TSPEAR: variants seen among roughly 807,000 people sequenced by gnomAD.
The protein encoded by TSPEAR is thrombospondin-type laminin G domain and EAR repeat-containing protein.
Under a neutral mutation model 71.6 loss-of-function variants are expected in TSPEAR, and 69 were observed. The ratio of observed to expected loss-of-function variants is 0.96; its 90% CI spans 0.79 to 1.18. The LOEUF (loss-of-function observed/expected upper bound fraction) is 1.18, where lower values mean the gene tolerates loss of function less well. Among genes scored for constraint, TSPEAR ranks in the 50% most tolerant of loss-of-function variants. The pLI is 0.00. For missense variants in TSPEAR, 971 were observed against 894.9 expected, an observed-to-expected ratio of 1.09 and a Z score of -1.09; for synonymous variants, 402 against 387.2, an observed-to-expected ratio of 1.04 and a Z score of -0.45.
At chr21:44,697,832 G>T in intron 1 of TSPEAR, 4 of 1,613,014 alleles carry the variant, frequency 2.5e-6, no homozygotes, top group Non-Finnish European at 3.4e-6. Context: ...CCGCGTGCCC[G>T]TCCCCTCCTG....
chr21:44,654,707 T>A lies in TSPEAR; in HGVS notation c.82+56726A>T, dbSNP rs1216473973. 3.6e-6 allele frequency: 3 copies of A among 829,684 alleles called. No homozygotes were observed. In the African/African-American group the frequency reaches 5.2e-5, roughly 14 times the overall value. 51.4% of individuals were successfully genotyped at this position (829,684 alleles called of 1,614,324 possible). On this transcript the variant is annotated intron_variant, in intron 1 of 11. Coordinates refer to ENST00000323084, the MANE Select transcript of TSPEAR (RefSeq NM_144991.3). ...CTTTATACCCAGGCTACCGGCATCC[T>A]GGCAACAAGCCCCCTGGCATCTTCC...
At chr21:44,666,146 C>T (rs1467712954) in intron 1 of TSPEAR, 8 of 396,480 alleles carry the variant, frequency 2.0e-5, no homozygotes, top group Non-Finnish European at 3.2e-5. Context: ...GAATAGATAG[C>T]AGGGAGTATG....
At chr21:44,568,134 G>A (rs947352029) in intron 1 of TSPEAR, 129 bp from the exon 2 acceptor site, 1 of 558,458 alleles carries the variant, frequency 1.8e-6, no homozygotes. Flanking sequence ...TATGAGCTGT[G>A]AACCAAGGTT....
chr21:44,521,494 G>C (rs1185498467), intron 9 of TSPEAR, among the ~76,000 whole-genome samples: 2 of 152,232 alleles, frequency 1.3e-5, no homozygotes, highest in Non-Finnish European at 2.9e-5. Context: ...GCTGCCCCAG[G>C]GCCAGGGCCC....
intron 1 of TSPEAR, chr21:44,627,601 G>T (rs374481047): frequency 1.1e-5 from 18 of 1,612,720 alleles, no homozygotes; most frequent in Non-Finnish European, 1.5e-5. Flanking sequence ...CTGTGTGCCC[G>T]TCTGCTGCAA....
At chr21:44,613,705 C>A (rs1200779350) in intron 1 of TSPEAR, among the ~76,000 whole-genome samples, 4 of 152,146 alleles carry the variant, frequency 2.6e-5, no homozygotes, top group African/African-American at 9.7e-5. Flanking sequence ...TGGAGGGACA[C>A]ACAGGATTCC....
Position 44,567,791 on chromosome 21 carries a change from TG to T in TSPEAR, c.296del (p.Pro99HisfsTer9). 2 of 1,565,790 alleles carry T rather than the reference TG, an allele frequency of 1.3e-6. No individual in the cohort carries two copies. Among genetic ancestry groups the T allele is most frequent in the Non-Finnish European group, 1.7e-6 (2 of 1,153,814 alleles). ...TGCAGAAAGTGCCACTGACCTTGGG[TG>T]GAAGATTGGGAACTCTCAAAGTTAC... ...IVVTLRVPNL[P>X]PKRNEYLLTV... On this transcript the variant is annotated frameshift_variant, in exon 2 of 12. Coordinates refer to ENST00000323084, the MANE Select transcript of TSPEAR (RefSeq NM_144991.3). LOFTEE classifies it high-confidence loss of function.
At chr21:44,544,777 G>A (rs973779885) in intron 2 of TSPEAR, among the ~76,000 whole-genome samples, 49 of 152,232 alleles carry the variant, frequency 3.2e-4, no homozygotes, top group African/African-American at 1.0e-3. Flanking sequence ...GGCCAGGAAC[G>A]GAGGCTAATG....
chr21:44,703,666 A>G (rs1987766901), intron 1 of TSPEAR, among the ~76,000 whole-genome samples: 1 of 152,210 alleles, frequency 6.6e-6, no homozygotes, highest in Non-Finnish European at 1.5e-5. Context: ...CTGTGGCCCC[A>G]GGTCTAGCCG....
chr21:44,666,263 G>T, intron 1 of TSPEAR: 1 of 740,008 alleles, frequency 1.4e-6, no homozygotes, highest in Non-Finnish European at 2.1e-6. Flanking sequence ...TTCCCTGGGG[G>T]GATGGGCAAG....
intron 1 of TSPEAR, among the ~76,000 whole-genome samples, chr21:44,630,089 A>C (rs73383075): frequency 0.015 from 2,219 of 152,310 alleles, 77 homozygotes; most frequent in African/African-American, 0.049. Flanking sequence ...CTCAGGATTT[A>C]GGAATGGGAG....
At chr21:44,599,683 A>G (rs1405742732) in intron 1 of TSPEAR, among the ~76,000 whole-genome samples, 1 of 152,262 alleles carries the variant, frequency 6.6e-6, no homozygotes, top group Non-Finnish European at 1.5e-5. Flanking sequence ...AATTGGAAAC[A>G]TTTAGCAGAA....
chr21:44,631,587 G>A lies in TSPEAR; in HGVS notation c.83-63582C>T, dbSNP rs142933151. ...AAAATAAATAAATAAATAGCTGGGC[G>A]TGGTGGCTCATGCCTGTAATCTCAG... On this transcript the variant is annotated intron_variant, in intron 1 of 11. Transcript: ENST00000323084. Among the ~76,000 whole-genome samples the A allele has an allele frequency of 7.0e-3, 1,058 of 152,194 alleles. 11 individuals carry two copies. Among genetic ancestry groups the A allele is most frequent in the African/African-American group, 0.023 (972 of 41,536 alleles).
intron 1 of TSPEAR, among the ~76,000 whole-genome samples, chr21:44,655,411 C>T (rs1394353958): frequency 6.6e-6 from 1 of 152,184 alleles, no homozygotes; most frequent in Non-Finnish European, 1.5e-5. Flanking sequence ...GCCACGTTGG[C>T]GTCTGCAGAG....
At chr21:44,573,850 A>AC (rs1978297098) in intron 1 of TSPEAR, 1 of 1,595,090 alleles carries the variant, frequency 6.3e-7, no homozygotes, top group Non-Finnish European at 8.6e-7. Context: ...CAGGTGGACG[A>AC]CTGCCCAGAG....
intron 1 of TSPEAR, among the ~76,000 whole-genome samples, chr21:44,589,285 A>G (rs1471068157): frequency 6.6e-6 from 1 of 152,222 alleles, no homozygotes; most frequent in Non-Finnish European, 1.5e-5. Context: ...TCATGGCTGA[A>G]TAATATTCCC....
chr21:44,509,110 G>T, intron 10 of TSPEAR, 89 bp downstream of exon 10: 1 of 1,447,486 alleles, frequency 6.9e-7, no homozygotes, highest in Non-Finnish European at 9.4e-7. Flanking sequence ...TCCACGGGAA[G>T]GGTGGTGAGG....
intron 1 of TSPEAR, among the ~76,000 whole-genome samples, chr21:44,606,319 G>A (rs1981311994): frequency 6.6e-6 from 1 of 152,184 alleles, no homozygotes. Flanking sequence ...AAGATGCAAT[G>A]AGACATCACC....
intron 1 of TSPEAR, among the ~76,000 whole-genome samples, chr21:44,649,632 C>T (rs1234920757): frequency 2.0e-5 from 3 of 152,202 alleles, no homozygotes; most frequent in Non-Finnish European, 4.4e-5. Flanking sequence ...GGGGGCCAAG[C>T]TTCCCATTCT....
Sources: gnomAD v4.1 joint callset for allele counts (sites outside exome capture counted in the v4.1 genomes callset) on GRCh38, gnomAD v4.1.1 for gene constraint, MANE v1.5 for transcripts, NCBI Gene and HGNC (gene_info 2026-07-23, HGNC 2026-07-21) for gene names.